TRPM3: variants seen among roughly 807,000 people sequenced by gnomAD.
The protein encoded by TRPM3 is transient receptor potential cation channel subfamily M member 3.
TRPM3 carries 77 observed loss-of-function variants against 181.2 expected under a neutral mutation model. That is an observed-to-expected ratio of 0.42 (90% confidence interval 0.35 to 0.51). The LOEUF is 0.51. Among genes scored for constraint, TRPM3 ranks in the 20% least tolerant of loss-of-function variants. TRPM3 has a pLI of 0.01. For synonymous variants in TRPM3, 745 were observed against 796.4 expected (o/e 0.94, Z 1.09); for missense variants, 1,759 against 2,196.7 (o/e 0.80, Z 3.98).
intron 1 of TRPM3, among the ~76,000 whole-genome samples, chr9:71,321,071 C>A (rs2089180015): frequency 6.6e-6 from 1 of 152,136 alleles, no homozygotes. Context: ...AAGTTACCAT[C>A]ATGGACAATT....
chr9:70,576,116 TCTC>T (rs2053862907), intron 22 of TRPM3, among the ~76,000 whole-genome samples: 1 of 152,176 alleles, frequency 6.6e-6, no homozygotes, highest in Non-Finnish European at 1.5e-5. Context: ...GACAGGTGAA[TCTC>T]CTCATGGGCG....
chr9:70,841,656 A>ATATATC (rs2094658003), intron 5 of TRPM3, among the ~76,000 whole-genome samples: 1 of 120,184 alleles, frequency 8.3e-6, no homozygotes, highest in Admixed American at 8.3e-5. Flanking sequence ...ATATATATAT[A>ATATATC]TATATCCCAC....
chr9:71,409,176 G>A (rs565232213), intron 1 of TRPM3, among the ~76,000 whole-genome samples: 4 of 152,222 alleles, frequency 2.6e-5, no homozygotes, highest in East Asian at 1.9e-4. Flanking sequence ...AAAGACCATC[G>A]ATGCTAGGAA....
chr9:70,675,089 CATTTTT>C (rs899948538), intron 9 of TRPM3, among the ~76,000 whole-genome samples: 7 of 151,914 alleles, frequency 4.6e-5, no homozygotes, highest in African/African-American at 1.7e-4. Context: ...AATTTCATTT[CATTTTT>C]ATTTTTATTA....
At chr9:70,893,175 GA>G (rs1431391278) in intron 1 of TRPM3, among the ~76,000 whole-genome samples, 1 of 152,150 alleles carries the variant, frequency 6.6e-6, no homozygotes. Context: ...TTTTTCTAAT[GA>G]AACTATTCCC....
intron 7 of TRPM3, among the ~76,000 whole-genome samples, chr9:70,779,330 A>G (rs1350362754): frequency 6.6e-6 from 1 of 152,178 alleles, no homozygotes; most frequent in African/African-American, 2.4e-5. Flanking sequence ...TTTTGTCCTA[A>G]AGTATCTAAA....
intron 1 of TRPM3, among the ~76,000 whole-genome samples, chr9:70,897,983 C>T (rs1332037582): frequency 2.6e-5 from 4 of 152,148 alleles, no homozygotes; most frequent in Middle Eastern, 3.2e-3. Context: ...ATTTCTGGAG[C>T]TTGCCTAGCT....
At chr9:71,187,646 T>C (rs763484499) in intron 1 of TRPM3, among the ~76,000 whole-genome samples, 34 of 151,958 alleles carry the variant, frequency 2.2e-4, no homozygotes, top group Non-Finnish European at 3.5e-4. Flanking sequence ...TTAAAAACTA[T>C]ACACTCTTTA....
intron 9 of TRPM3, among the ~76,000 whole-genome samples, chr9:70,654,635 C>A (rs968140189): frequency 4.6e-5 from 7 of 151,596 alleles, no homozygotes; most frequent in Non-Finnish European, 7.4e-5. Context: ...AACAAATAAT[C>A]TAAGAATGAG....
intron 9 of TRPM3, among the ~76,000 whole-genome samples, chr9:70,662,272 T>C (rs2061243087): frequency 6.6e-6 from 1 of 152,010 alleles, no homozygotes; most frequent in South Asian, 2.1e-4. Context: ...AAAAATCAAC[T>C]CAAGATGAAT....
intron 1 of TRPM3, among the ~76,000 whole-genome samples, chr9:71,372,147 G>T (rs1236442032): frequency 6.6e-6 from 1 of 152,052 alleles, no homozygotes; most frequent in Non-Finnish European, 1.5e-5. Flanking sequence ...TCCCTGCAAA[G>T]GACATGTTCT....
At chr9:71,277,406 TAATTC>T (rs2084302424) in intron 1 of TRPM3, among the ~76,000 whole-genome samples, 2 of 152,248 alleles carry the variant, frequency 1.3e-5, no homozygotes, top group African/African-American at 4.8e-5. Context: ...GTAGGCTATA[TAATTC>T]AATAAAAATA....
At chr9:71,435,318 C>G (rs1172516490) in intron 1 of TRPM3, among the ~76,000 whole-genome samples, 1 of 152,156 alleles carries the variant, frequency 6.6e-6, no homozygotes, top group East Asian at 1.9e-4. Flanking sequence ...CATTTCTCCC[C>G]TCTGTAGCAA....
Position 70,686,042 on chromosome 9 carries a change from GGTATATATGTGT to G in TRPM3, c.1273-4476_1273-4465del, listed in dbSNP as rs138665831. Among the ~76,000 whole-genome samples, 187 of 149,584 alleles carry G rather than the reference GGTATATATGTGT, an allele frequency of 1.3e-3. 10 individuals carry two copies. The East Asian group carries it at 0.028, about 22-fold the overall frequency. On this transcript the variant is annotated intron_variant, in intron 8 of 25. Transcript: ENST00000677713. ...GGTTAGGTATATGTGTATATATATG[GGTATATATGTGT>G]GTATATACATATTAATACATATATA... is the stretch of plus-strand genomic sequence containing the variant.
intron 8 of TRPM3, among the ~76,000 whole-genome samples, chr9:70,698,524 T>C (rs1463279042): frequency 6.6e-6 from 1 of 152,238 alleles, no homozygotes; most frequent in Non-Finnish European, 1.5e-5. Flanking sequence ...ACATTATTAT[T>C]ACTGAATTAT....
intron 7 of TRPM3, among the ~76,000 whole-genome samples, chr9:70,772,816 CA>C (rs1564212800): frequency 6.6e-6 from 1 of 152,160 alleles, no homozygotes; most frequent in Non-Finnish European, 1.5e-5. Flanking sequence ...GAAGTGCTGC[CA>C]AAGGATACAG....
At chr9:71,154,156 T>G (rs1023301123) in intron 1 of TRPM3, among the ~76,000 whole-genome samples, 1 of 152,168 alleles carries the variant, frequency 6.6e-6, no homozygotes, top group Non-Finnish European at 1.5e-5. Flanking sequence ...AAAAGCAACC[T>G]TAGTTTCAAA....
chr9:71,227,715 G>A (rs1351303647), intron 1 of TRPM3, among the ~76,000 whole-genome samples: 3 of 152,038 alleles, frequency 2.0e-5, no homozygotes, highest in Non-Finnish European at 4.4e-5. Context: ...GCAACCATAT[G>A]CCAATAAATT....
intron 1 of TRPM3, among the ~76,000 whole-genome samples, chr9:71,115,892 C>T (rs577911991): frequency 6.6e-6 from 1 of 152,320 alleles, no homozygotes; most frequent in East Asian, 1.9e-4. Flanking sequence ...TCACATGGTT[C>T]ACTGTTCAGC....
Sources: allele counts gnomAD v4.1 joint callset (sites outside exome capture counted in the v4.1 genomes callset), GRCh38; gene constraint gnomAD v4.1.1; transcripts MANE v1.5; gene names NCBI Gene and HGNC (gene_info 2026-07-23, HGNC 2026-07-21).